Variants in GTF3C1 observed in about 807,000 individuals in gnomAD.
GTF3C1 encodes the protein general transcription factor 3C polypeptide 1.
In GTF3C1, 57 loss-of-function variants were observed where a neutral mutation model predicts 226.7. The ratio of observed to expected loss-of-function variants is 0.25; its 90% CI spans 0.20 to 0.31. GTF3C1 has a LOEUF of 0.31. Among genes scored for constraint, GTF3C1 ranks in the 10% least tolerant of loss-of-function variants. The probability of loss-of-function intolerance (pLI) is 1.00; values close to 1 mark genes in which losing one functional copy is unlikely to be tolerated. For synonymous variants in GTF3C1, 1,090 were observed against 1,084.8 expected (o/e 1.00, Z -0.09); for missense variants, 2,217 against 2,776.1 (o/e 0.80, Z 4.53).
chr16:27,503,747 A>C (rs2088442757), intron 10 of GTF3C1, among the ~76,000 whole-genome samples: 2 of 152,216 alleles, frequency 1.3e-5, no homozygotes, highest in Non-Finnish European at 2.9e-5. Flanking sequence ...CCCTATATGG[A>C]AAAGAAATCC....
chr16:27,472,527 C>T lies in GTF3C1; in HGVS notation c.4354-607G>A, dbSNP rs901032863. On this transcript the variant is annotated intron_variant, in intron 29 of 36. Coordinates refer to ENST00000356183, the MANE Select transcript of GTF3C1 (RefSeq NM_001520.4). ...TGCCTCAAAACCCCCAAGGACTTCC[C>T]TCTGCAGATGTGACCACAACCAGTC... Among the ~76,000 whole-genome samples the T allele has an allele frequency of 6.6e-5, 10 of 152,350 alleles. No homozygotes were observed. In the East Asian group the frequency reaches 1.7e-3, roughly 26 times the overall value.
In GTF3C1 at chr16:27,513,279, C is replaced by T. The variant is rs1442802796; in HGVS notation, c.974-1378G>A. Among the ~76,000 whole-genome samples the T allele has an allele frequency of 2.0e-5, 3 of 152,212 alleles. No homozygotes were observed. In the East Asian group the frequency reaches 5.8e-4, roughly 29 times the overall value. ...CACCAGCCTTGGCAGCACAGCAAGA[C>T]CCAACTCTACAAAAAATGTTTAAAA... On this transcript the variant is annotated intron_variant, in intron 6 of 36. Coordinates refer to ENST00000356183, the MANE Select transcript of GTF3C1 (RefSeq NM_001520.4).
chr16:27,497,172 T>A (rs1373616097), intron 14 of GTF3C1, among the ~76,000 whole-genome samples: 1 of 152,198 alleles, frequency 6.6e-6, no homozygotes, highest in Non-Finnish European at 1.5e-5. Flanking sequence ...CATGGCCACC[T>A]GCCTTGTTCA....
chr16:27,463,920 G>A lies in GTF3C1; in HGVS notation c.5873-328C>T, dbSNP rs1404070657. The A allele has an allele frequency of 1.8e-5, 6 of 342,566 alleles. No individual in the cohort carries two copies. Among genetic ancestry groups the A allele is most frequent in the Admixed American group, 5.2e-5 (1 of 19,402 alleles). The allele number at this position is 342,566 out of a possible 1,614,324, so 21.2% of individuals were successfully genotyped here. A position where few individuals can be genotyped will look rare whatever the true frequency, so the allele number is the denominator to read the frequency against. On this transcript the variant is annotated intron_variant, in intron 34 of 36. Transcript: ENST00000356183. This position sits in a 1 kb window ranked among gnomAD's most constrained non-coding sequence, Gnocchi z 4.9. ...AAACCCGAGGCAAAAACACCCCAAA[G>A]AAAACAAAAACGCCCAGAGAAGCCA...
Position 27,462,632 on chromosome 16 carries a change from T to G in GTF3C1, c.5925-146A>C, listed in dbSNP as rs954949908. On this transcript the variant is annotated intron_variant, in intron 35 of 36. Coordinates refer to ENST00000356183, the MANE Select transcript of GTF3C1 (RefSeq NM_001520.4). This position sits in a 1 kb window ranked among gnomAD's most constrained non-coding sequence, Gnocchi z 4.5. The stretch of plus-strand genomic sequence containing the variant: ...ACCTCTTGCTCTCTGCTTTCCAAAC[T>G]CCCTGCTTCTCTCCTGTCTGGACAG... 1.6e-6 allele frequency: 1 copy of G among 624,850 alleles called. No individual in the cohort carries two copies. The highest frequency in any genetic ancestry group is 2.7e-5 in the Admixed American group (1 of 37,310). 38.7% of individuals were successfully genotyped at this position (624,850 alleles called of 1,614,324 possible).
chr16:27,518,326 T>G (rs2088693577), intron 6 of GTF3C1, among the ~76,000 whole-genome samples: 1 of 152,084 alleles, frequency 6.6e-6, no homozygotes, highest in Admixed American at 6.5e-5. Flanking sequence ...GGCTCTGGAG[T>G]CAGTCTGTCT....
chr16:27,490,473 C>T (rs934473707), intron 19 of GTF3C1, among the ~76,000 whole-genome samples: 1 of 152,158 alleles, frequency 6.6e-6, no homozygotes, highest in African/African-American at 2.4e-5. Context: ...GCCTCACCCA[C>T]AGCAGCTGGA....
Position 27,537,847 on chromosome 16 carries a change from C to T in GTF3C1, c.689G>A (p.Arg230Gln), listed in dbSNP as rs773168346. 1.9e-6 allele frequency: 3 copies of T among 1,612,564 alleles called. No individual in the cohort carries two copies. Among genetic ancestry groups the T allele is most frequent in the Non-Finnish European group, 2.5e-6 (3 of 1,178,576 alleles). ...GTGTTGCTGGGCTCCAGTGGGTAAT[C>T]GGATCACATGGGACTGCATTGTAAT... is the stretch of plus-strand genomic sequence containing the variant. ...GLITMQSHVI[R>Q]LPTGAQQHSI... The change falls in exon 4 of 37, where the codon CGA becomes CAA. Residue 230 changes from arginine (R) to glutamine (Q), a missense_variant. By Grantham distance (43) the Arg-to-Gln change is conservative. Transcript: ENST00000356183.
intron 21 of GTF3C1, 39 bp downstream of exon 21, chr16:27,489,004 G>A (rs757882359): frequency 1.9e-6 from 3 of 1,595,186 alleles, no homozygotes; most frequent in Non-Finnish European, 2.6e-6. Context: ...TGAGTAGCGA[G>A]GACCCCTGAG....
chr16:27,538,067 C>T lies in GTF3C1; in HGVS notation c.608+113G>A. The T allele has an allele frequency of 3.2e-6, 4 of 1,265,650 alleles. No individual in the cohort carries two copies. The Admixed American group carries it at 6.7e-5, about 21-fold the overall frequency. 78.4% of individuals were successfully genotyped at this position (1,265,650 alleles called of 1,614,324 possible). Reference sequence around the variant, plus strand: ...GAAAACAGTCACTGTGAGACCACGGCCTTGAAACAAAAAGCCATGCCTCAG... The same window carrying T: ...GAAAACAGTCACTGTGAGACCACGGTCTTGAAACAAAAAGCCATGCCTCAG... On this transcript the variant is annotated intron_variant, in intron 3 of 36. Coordinates refer to ENST00000356183, the MANE Select transcript of GTF3C1 (RefSeq NM_001520.4).
rs1475230001 is a variant in GTF3C1, at chr16:27,549,783, C to A, written c.108G>T (p.Pro36=). Residue 36 remains proline, a synonymous_variant, in exon 1 of 37, where the codon CCG becomes CCT. Coordinates refer to ENST00000356183, the MANE Select transcript of GTF3C1 (RefSeq NM_001520.4). The stretch of plus-strand genomic sequence containing the variant: ...CCTGCGTGCAGGGTTCCAAAGGCAG[C>A]GGGAAGGGCGGCACTCGCGTCTCCA... ...SRLETRVPPF[P]LPLEPCTQEF... is the part of the protein sequence containing the mutation. 2.5e-6 allele frequency: 4 copies of A among 1,612,548 alleles called. No individual in the cohort carries two copies. Among genetic ancestry groups the A allele is most frequent in the African/African-American group, 1.3e-5 (1 of 74,890 alleles).
chr16:27,501,151 C>A, intron 12 of GTF3C1, 40 bp downstream of exon 12: 1 of 1,570,494 alleles, frequency 6.4e-7, no homozygotes, highest in Non-Finnish European at 8.7e-7. Context: ...CTTCCAACAG[C>A]ACGAGGCTGG....
chr16:27,542,868 C>T (rs1323353256), intron 2 of GTF3C1, among the ~76,000 whole-genome samples: 2 of 152,206 alleles, frequency 1.3e-5, no homozygotes, highest in African/African-American at 4.8e-5. Context: ...AGCATCCTAG[C>T]CTGCAGCACT....
intron 5 of GTF3C1, among the ~76,000 whole-genome samples, chr16:27,531,777 C>T (rs2088921230): frequency 6.6e-6 from 1 of 152,218 alleles, no homozygotes; most frequent in Non-Finnish European, 1.5e-5. Context: ...TCTCCAGAGT[C>T]TGCATGGGCT....
Position 27,469,369 on chromosome 16 carries a change from CGTTGGG to C in GTF3C1, c.4990_4995del (p.Pro1664_Asn1665del). ...TGGCAGGAGTTGACCACAATGCTGT[CGTTGGG>C]GTTGAGGTTGCGGGTGCTGACGATG... On this transcript the variant is annotated inframe_deletion, in exon 32 of 37. Coordinates refer to ENST00000356183, the MANE Select transcript of GTF3C1 (RefSeq NM_001520.4). This position sits in a 1 kb window ranked among gnomAD's most constrained non-coding sequence, Gnocchi z 4.5. The C allele has an allele frequency of 6.2e-7, 1 of 1,610,142 alleles. No individual in the cohort carries two copies. The highest frequency in any genetic ancestry group is 8.5e-7 in the Non-Finnish European group (1 of 1,178,198).
rs138095711 is a variant in GTF3C1 at position 27,517,643 on chromosome 16, T to G, written c.974-5742A>C. ...ACACAAAGGAATCACATAGATCTTT[T>G]GTGTCCAGGATCCAAGATGGACTTC... On this transcript the variant is annotated intron_variant, in intron 6 of 36. Transcript: ENST00000356183. 2.0e-4 allele frequency among the ~76,000 whole-genome samples: 30 copies of G among 152,306 alleles called. No homozygotes were observed. In the East Asian group the frequency reaches 5.2e-3, roughly 26 times the overall value.
chr16:27,497,775 C>T lies in GTF3C1; in HGVS notation c.2212G>A (p.Asp738Asn). Residue 738 changes from aspartate (D) to asparagine (N), a missense_variant, in exon 14 of 37, where the codon GAC becomes AAC. Asp to Asn is a conservative substitution (Grantham distance 23). Around this residue, in one of 12 missense-constraint regions of GTF3C1, gnomAD observed 100 missense variants for 139.9 expected, o/e 0.71. Coordinates refer to ENST00000356183, the MANE Select transcript of GTF3C1 (RefSeq NM_001520.4). ...CTTGGGCCCTCTTTTCCTTGACTGT[C>T]TTCTTCTGCCTCCCCTTGGGGCACT... ...PPVPQGEAEE[D>N]SQGKEGPSGS... 3 of 1,614,144 alleles carry T rather than the reference C, an allele frequency of 1.9e-6. No individual in the cohort carries two copies. The South Asian group carries it at 3.3e-5, about 18-fold the overall frequency.
At chr16:27,498,501 C>T in intron 13 of GTF3C1, 129 bp downstream of exon 13, 2 of 705,602 alleles carry the variant, frequency 2.8e-6, no homozygotes, top group Non-Finnish European at 5.2e-6. Context: ...AGATCATGAA[C>T]CATGAACTCC....
chr16:27,470,426 T>G lies in GTF3C1; in HGVS notation c.4527-31A>C. The G allele has an allele frequency of 1.9e-6, 3 of 1,587,280 alleles. No homozygotes were observed. The highest frequency in any genetic ancestry group is 2.6e-6 in the Non-Finnish European group (3 of 1,160,532). On this transcript the variant is annotated intron_variant, in intron 30 of 36. Coordinates refer to ENST00000356183, the MANE Select transcript of GTF3C1 (RefSeq NM_001520.4). This position sits in a 1 kb window ranked among gnomAD's most constrained non-coding sequence, Gnocchi z 4.9. ...GACAAAAAGAAAGGAAGGGCCTGAC[T>G]GAGGGCCAGCTGTGGGAAGCCTTCA...
Sources: allele counts gnomAD v4.1 joint callset (sites outside exome capture counted in the v4.1 genomes callset), GRCh38; gene constraint gnomAD v4.1.1; regional missense constraint gnomAD v4.1.1; non-coding constraint Gnocchi (gnomAD v3.1); transcripts MANE v1.5; gene names NCBI Gene and HGNC (gene_info 2026-07-23, HGNC 2026-07-21).